The following MYT1L variants were observed in gnomAD, a reference collection of about 807,000 sequenced individuals.
The protein encoded by MYT1L is myelin transcription factor 1-like protein.
Under a neutral mutation model 126.7 loss-of-function variants are expected in MYT1L, and 12 were observed. The ratio of observed to expected loss-of-function variants is 0.09; its 90% confidence interval spans 0.06 to 0.15. MYT1L has a LOEUF of 0.15. Among genes scored for constraint, MYT1L ranks in the 10% least tolerant of loss-of-function variants. The probability of loss-of-function intolerance (pLI) is 1.00; values close to 1 mark genes in which losing one functional copy is unlikely to be tolerated. For missense variants in MYT1L, 979 were observed against 1,585.2 expected (o/e 0.62, Z 6.49); for synonymous variants, 541 against 604.2 (o/e 0.90, Z 1.53).
chr2:2,045,987 C>G (rs1339146987), intron 4 of MYT1L, among the ~76,000 whole-genome samples: 1 of 152,194 alleles, frequency 6.6e-6, no homozygotes, highest in Non-Finnish European at 1.5e-5. Flanking sequence ...TCTTCTGTAT[C>G]TTTGGGACCC....
chr2:1,942,860 C>G (rs995666031), intron 9 of MYT1L, 122 bp downstream of exon 9: 1 of 1,289,914 alleles, frequency 7.8e-7, no homozygotes, highest in Admixed American at 3.0e-5. Flanking sequence ...TTAATTTTCT[C>G]AGTATTGACC....
chr2:1,920,824 C>T (rs1295796490), intron 10 of MYT1L, among the ~76,000 whole-genome samples: 2 of 152,244 alleles, frequency 1.3e-5, no homozygotes, highest in Non-Finnish European at 2.9e-5. Context: ...TGAAGCTCTA[C>T]TGAGCTAGAG....
chr2:1,790,575 C>G lies in MYT1L; in HGVS notation c.*1292G>C, dbSNP rs2031887288. On this transcript the variant is annotated 3_prime_UTR_variant, in exon 25 of 25. Transcript: ENST00000647738. ...CTTAGAATAGTCACAAGAAATCAAACAATGAGGCTCTGCAAATGCTCTATG... is the reference window on the plus strand; with the variant it reads ...CTTAGAATAGTCACAAGAAATCAAAGAATGAGGCTCTGCAAATGCTCTATG... 6.6e-6 allele frequency: 1 copy of G among 152,238 alleles called. No homozygotes were observed. Among genetic ancestry groups the G allele is most frequent in the African/African-American group, 2.4e-5 (1 of 41,460 alleles). The allele number at this position is 152,238 out of a possible 1,614,324, so 9.4% of individuals were successfully genotyped here.
Position 1,789,561 on chromosome 2 carries a change from CT to C in MYT1L, c.*2305del, listed in dbSNP as rs2031667310. ...AGCAGCAGGTTTGTGCTTAAAATCCCTTTCCATTGTACATAGGTGATAACAA... is the reference window on the plus strand; with the variant it reads ...AGCAGCAGGTTTGTGCTTAAAATCCCTTCCATTGTACATAGGTGATAACAA... On this transcript the variant is annotated 3_prime_UTR_variant, in exon 25 of 25. Transcript: ENST00000647738. 1 of 152,220 alleles carries C rather than the reference CT, an allele frequency of 6.6e-6. No individual in the cohort carries two copies. Among genetic ancestry groups the C allele is most frequent in the Non-Finnish European group, 1.5e-5 (1 of 68,048 alleles). 9.4% of individuals were successfully genotyped at this position (152,220 alleles called of 1,614,324 possible). A position where few individuals can be genotyped will look rare whatever the true frequency, so the allele number is the denominator to read the frequency against.
rs1412648519 is a variant in MYT1L, at chr2:1,863,892, C to G, written c.2712-12189G>C. Among the ~76,000 whole-genome samples, 5 of 152,306 alleles carry G rather than the reference C, an allele frequency of 3.3e-5. No homozygotes were observed. The East Asian group carries it at 7.7e-4, about 24-fold the overall frequency. ...TCATAAATGTCTTGGGACTCCCTCT[C>G]GGGAGGAGCCTCTAACCATGGTTGA... On this transcript the variant is annotated intron_variant, in intron 18 of 24. Coordinates refer to ENST00000647738, the MANE Select transcript of MYT1L (RefSeq NM_001303052.2).
At position 1,943,535 on chromosome 2, in the gene MYT1L, T is replaced by C. The variant is rs981243172; in HGVS notation, c.153-201A>G. Among the ~76,000 whole-genome samples, 1 of 152,172 alleles carries C rather than the reference T, an allele frequency of 6.6e-6. No homozygotes were observed. The highest frequency in any genetic ancestry group is 1.5e-5 in the Non-Finnish European group (1 of 68,034). ...TCTGTTAATGAAGTGATAGTGCAAA[T>C]AAATACCGCTCACATTTGTCTAGTT... On this transcript the variant is annotated intron_variant, in intron 8 of 24. Transcript: ENST00000647738. This position sits in a 1 kb window ranked among gnomAD's most constrained non-coding sequence, Gnocchi z 4.4.
intron 1 of MYT1L, among the ~76,000 whole-genome samples, chr2:2,298,020 C>T (rs962237944): frequency 6.6e-6 from 1 of 152,322 alleles, no homozygotes; most frequent in African/African-American, 2.4e-5. Context: ...CTAGGAGAAG[C>T]AAACATCCAC....
intron 2 of MYT1L, among the ~76,000 whole-genome samples, chr2:2,274,644 T>G (rs183713400): frequency 6.6e-6 from 1 of 152,336 alleles, no homozygotes; most frequent in Non-Finnish European, 1.5e-5. Context: ...ACTTAAAACA[T>G]ATTTCTAAAA....
Position 1,806,968 on chromosome 2 carries a change from A to G in MYT1L, c.3172+2108T>C, listed in dbSNP as rs188399055. ...GAATGTTTTCTTTCTGGCAAGGAGC[A>G]CTGCTCCGTAATAACTAGAAAGCGA... On this transcript the variant is annotated intron_variant, in intron 22 of 24. Transcript: ENST00000647738. The surrounding 1 kb of genome is among the most constrained non-coding windows in gnomAD (Gnocchi z 4.9). Among the ~76,000 whole-genome samples, 1 of 152,250 alleles carries G rather than the reference A, an allele frequency of 6.6e-6. No homozygotes were observed. The highest frequency in any genetic ancestry group is 2.4e-5 in the African/African-American group (1 of 41,468).
At chr2:1,957,171 G>A (rs1573977573) in intron 8 of MYT1L, among the ~76,000 whole-genome samples, 1 of 152,186 alleles carries the variant, frequency 6.6e-6, no homozygotes. Flanking sequence ...TGGCTTGAGT[G>A]TGAGGCCATG....
chr2:2,326,673 C>T (rs1415213398), intron 1 of MYT1L: 2 of 152,162 alleles, frequency 1.3e-5, no homozygotes, highest in Admixed American at 1.3e-4. Flanking sequence ...ATGCTTATCA[C>T]TCTTTCTCTA....
At chr2:2,011,516 G>C (rs1231351745) in intron 4 of MYT1L, among the ~76,000 whole-genome samples, 1 of 150,688 alleles carries the variant, frequency 6.6e-6, no homozygotes, top group Non-Finnish European at 1.5e-5. Flanking sequence ...TTAAAAAGTA[G>C]ATAAATTGAA....
chr2:2,227,464 A>T (rs1397936881), intron 2 of MYT1L, among the ~76,000 whole-genome samples: 1 of 152,162 alleles, frequency 6.6e-6, no homozygotes, highest in Non-Finnish European at 1.5e-5. Flanking sequence ...TTTGACTGTG[A>T]GGAGTGCATC....
chr2:1,830,668 G>A (rs1038115485), intron 21 of MYT1L, among the ~76,000 whole-genome samples: 3 of 152,188 alleles, frequency 2.0e-5, no homozygotes, highest in African/African-American at 7.2e-5. Context: ...ATGGGGATGA[G>A]GCAGCTTGGG....
chr2:2,244,833 G>A (rs1437608643), intron 2 of MYT1L, among the ~76,000 whole-genome samples: 1 of 152,166 alleles, frequency 6.6e-6, no homozygotes, highest in African/African-American at 2.4e-5. Context: ...GCAAACTGAC[G>A]GCTAGAGATT....
chr2:2,195,105 G>A (rs1274713575), intron 2 of MYT1L, among the ~76,000 whole-genome samples: 1 of 152,248 alleles, frequency 6.6e-6, no homozygotes, highest in African/African-American at 2.4e-5. Context: ...GATGTGCACA[G>A]TCAACATTGC....
chr2:1,989,229 T>G (rs1226996327), intron 5 of MYT1L, among the ~76,000 whole-genome samples: 1 of 152,172 alleles, frequency 6.6e-6, no homozygotes, highest in Admixed American at 6.5e-5. Context: ...TTAATTCAAC[T>G]AATTCTTCAT....
At chr2:2,082,224 G>C (rs190453717) in intron 3 of MYT1L, among the ~76,000 whole-genome samples, 1 of 152,238 alleles carries the variant, frequency 6.6e-6, no homozygotes, top group Non-Finnish European at 1.5e-5. Context: ...AAACACCTGG[G>C]GCAGTTTTAC....
At chr2:1,813,212 C>T (rs2036979739) in intron 21 of MYT1L, among the ~76,000 whole-genome samples, 2 of 152,214 alleles carry the variant, frequency 1.3e-5, no homozygotes, top group African/African-American at 4.8e-5. Flanking sequence ...AAAGGCACGC[C>T]TCCTCCTCCT....
Sources: allele counts gnomAD v4.1 joint callset (sites outside exome capture counted in the v4.1 genomes callset), GRCh38; gene constraint gnomAD v4.1.1; non-coding constraint Gnocchi (gnomAD v3.1); transcripts MANE v1.5; gene names NCBI Gene and HGNC (gene_info 2026-07-23, HGNC 2026-07-21).